Variants in IKBIP observed in about 807,000 individuals in gnomAD.
IKBIP encodes the protein inhibitor of nuclear factor kappa-B kinase-interacting protein.
Under a neutral mutation model 31.0 loss-of-function variants are expected in IKBIP, and 28 were observed. The ratio of observed to expected loss-of-function variants is 0.90; its 90% confidence interval spans 0.67 to 1.24. IKBIP has a LOEUF of 1.24. Ranked by LOEUF, IKBIP falls within the 50% of genes most tolerant of loss-of-function variation. IKBIP has a pLI of 0.00. For missense variants in IKBIP, 453 were observed against 441.9 expected, an observed-to-expected ratio of 1.03 and a Z score of -0.23; for synonymous variants, 164 against 160.3, an observed-to-expected ratio of 1.02 and a Z score of -0.17.
chr12:98,644,781 G>C lies in IKBIP; in HGVS notation c.-80C>G. 1 of 1,500,288 alleles carries C rather than the reference G, an allele frequency of 6.7e-7. No individual in the cohort carries two copies. The highest frequency in any genetic ancestry group is 9.0e-7 in the Non-Finnish European group (1 of 1,108,014). 92.9% of individuals were successfully genotyped at this position (1,500,288 alleles called of 1,614,324 possible). On this transcript the variant is annotated 5_prime_UTR_variant, in exon 1 of 3. Coordinates refer to ENST00000299157, the MANE Select transcript of IKBIP (RefSeq NM_153687.4). ...GGACGTGGCCGCCTTGGCGTTCGTGGGAACCCTGGGCGGTGACCGCGCCCC... is the reference window on the plus strand; with the variant it reads ...GGACGTGGCCGCCTTGGCGTTCGTGCGAACCCTGGGCGGTGACCGCGCCCC...
Position 98,626,304 on chromosome 12 carries a change from C to G in IKBIP, c.760G>C (p.Asp254His). 6.2e-7 allele frequency: 1 copy of G among 1,614,108 alleles called. No homozygotes were observed. The change falls in exon 3 of 3, where the codon GAT (aspartate) becomes CAT (histidine). Residue 254 changes from aspartate to histidine, a missense_variant. Transcript: ENST00000299157. Reference sequence around the variant, plus strand: ...TAGTCGGAAAGTTTATTAGTCAGATCTTCATCTCTGGCAAAGAGGGCATGC... The same window carrying G: ...TAGTCGGAAAGTTTATTAGTCAGATGTTCATCTCTGGCAAAGAGGGCATGC... ...EQHALFARDE[D>H]LTNKLSDYEP...
chr12:98,644,605 G>A lies in IKBIP; in HGVS notation c.97C>T (p.Arg33Trp), dbSNP rs761965932. ...RSEGGKTPVA[R>W]SSGGGGWADP... is the part of the protein sequence containing the mutation. ...GCCCAGCCCCCGCCTCCGCTGCTCC[G>A]GGCCACGGGGGTCTTCCCGCCCTCG... The change falls in exon 1 of 3, where the codon CGG becomes TGG. Residue 33 changes from arginine (R) to tryptophan (W), a missense_variant. Transcript: ENST00000299157. 5 of 1,609,770 alleles carry A rather than the reference G, an allele frequency of 3.1e-6. No homozygotes were observed. The South Asian group carries it at 5.5e-5, about 18-fold the overall frequency.
At chr12:98,630,973 C>T (rs1319709961) in intron 2 of IKBIP, among the ~76,000 whole-genome samples, 1 of 151,644 alleles carries the variant, frequency 6.6e-6, no homozygotes. Flanking sequence ...GCTCTTGTTG[C>T]CCAGGCTGGA....
intron 1 of IKBIP, among the ~76,000 whole-genome samples, chr12:98,643,016 G>A (rs1200531420): frequency 2.0e-5 from 3 of 151,766 alleles, no homozygotes; most frequent in Middle Eastern, 3.4e-3. Flanking sequence ...GCAATGGCAC[G>A]ATCCCAGCTC....
exon 3 of IKBIP, chr12:98,613,512 TTTTGA>T: frequency 1.4e-6 from 1 of 700,426 alleles, no homozygotes; most frequent in Non-Finnish European, 2.2e-6. Flanking sequence ...ATATCATTAT[TTTTGA>T]TTTACCAGTC....
chr12:98,620,234 A>G (rs929510357), downstream of IKBIP, among the ~76,000 whole-genome samples: 6 of 151,418 alleles, frequency 4.0e-5, no homozygotes, highest in African/African-American at 4.9e-5. Context: ...ATATTTATTA[A>G]ATTCCTATCA....
At chr12:98,613,580 T>G in exon 3 of IKBIP, 1 of 1,431,314 alleles carries the variant, frequency 7.0e-7, no homozygotes, top group South Asian at 1.4e-5. Context: ...CTCAATAATG[T>G]CAAACTAATT....
intron 2 of IKBIP, among the ~76,000 whole-genome samples, chr12:98,614,707 A>T (rs773917946): frequency 2.6e-5 from 4 of 152,220 alleles, no homozygotes; most frequent in Non-Finnish European, 5.9e-5. Flanking sequence ...CTGGGATTAC[A>T]GGCGTGAGCC....
intron 2 of IKBIP, among the ~76,000 whole-genome samples, chr12:98,632,537 A>ATG (rs2097621832): frequency 5.9e-5 from 6 of 101,638 alleles, no homozygotes; most frequent in South Asian, 3.5e-4. Flanking sequence ...ATATATATAT[A>ATG]TATATATATA....
downstream of IKBIP, among the ~76,000 whole-genome samples, chr12:98,620,775 G>T (rs1296626537): frequency 1.3e-5 from 2 of 152,128 alleles, no homozygotes; most frequent in African/African-American, 4.8e-5. Context: ...ACTTTGGGAG[G>T]CCAAGGACGG....
intron 2 of IKBIP, among the ~76,000 whole-genome samples, chr12:98,628,785 A>G (rs776780692): frequency 1.1e-4 from 16 of 152,210 alleles, no homozygotes; most frequent in Admixed American, 3.9e-4. Context: ...AGATCTACTG[A>G]GTACCCTGTG....
intron 1 of IKBIP, among the ~76,000 whole-genome samples, chr12:98,640,329 G>A (rs1203487961): frequency 6.6e-6 from 1 of 152,116 alleles, no homozygotes; most frequent in Non-Finnish European, 1.5e-5. Flanking sequence ...AGCTACTCGG[G>A]AGGCTGAGGC....
downstream of IKBIP, among the ~76,000 whole-genome samples, chr12:98,620,029 C>T (rs976079682): frequency 1.3e-4 from 19 of 150,954 alleles, no homozygotes; most frequent in Non-Finnish European, 1.9e-4. Flanking sequence ...AGTGATTCTC[C>T]GGCCTCAGCC....
At chr12:98,618,616 ACT>A (rs1408216914) in intron 2 of IKBIP, among the ~76,000 whole-genome samples, 1 of 139,400 alleles carries the variant, frequency 7.2e-6, no homozygotes, top group Non-Finnish European at 1.5e-5. Context: ...ACAGAGCCAG[ACT>A]CTGTCTCAAA....
chr12:98,644,764 C>T lies in IKBIP; in HGVS notation c.-63G>A. On this transcript the variant is annotated 5_prime_UTR_variant, in exon 1 of 3. Coordinates refer to ENST00000299157, the MANE Select transcript of IKBIP (RefSeq NM_153687.4). The stretch of plus-strand genomic sequence containing the variant: ...CTTCACCAGGGGGAGCAGGACGTGG[C>T]CGCCTTGGCGTTCGTGGGAACCCTG... The T allele has an allele frequency of 6.5e-7, 1 of 1,549,406 alleles. No homozygotes were observed. Among genetic ancestry groups the T allele is most frequent in the South Asian group, 1.2e-5 (1 of 84,878 alleles).
At position 98,644,604 on chromosome 12, in the gene IKBIP, C is replaced by T; in HGVS notation, c.98G>A (p.Arg33Gln). Residue 33 changes from arginine (R) to glutamine (Q), a missense_variant, in exon 1 of 3, where the codon CGG becomes CAG. Coordinates refer to ENST00000299157, the MANE Select transcript of IKBIP (RefSeq NM_153687.4). ...TGCCCAGCCCCCGCCTCCGCTGCTC[C>T]GGGCCACGGGGGTCTTCCCGCCCTC... is the stretch of plus-strand genomic sequence containing the variant. ...RSEGGKTPVA[R>Q]SSGGGGWADP... 6.2e-7 allele frequency: 1 copy of T among 1,610,020 alleles called. No individual in the cohort carries two copies.
At chr12:98,621,317 C>T (rs1199685005), downstream of IKBIP, among the ~76,000 whole-genome samples, 1 of 152,136 alleles carries the variant, frequency 6.6e-6, no homozygotes, top group African/African-American at 2.4e-5. Flanking sequence ...AGTGGCAAAA[C>T]CTATTAATAG....
At chr12:98,630,394 A>AAAAAAAAAAAAAAAC (rs2097618975) in intron 2 of IKBIP, among the ~76,000 whole-genome samples, 1 of 134,576 alleles carries the variant, frequency 7.4e-6, no homozygotes, top group African/African-American at 2.6e-5. Flanking sequence ...AAAAAAAAAA[A>AAAAAAAAAAAAAAAC]AAAAAAAAAA....
At chr12:98,613,440 T>C (rs1048911) in exon 3 of IKBIP, 10,475 of 516,446 alleles carry the variant, frequency 0.02, 185 homozygotes, top group Middle Eastern at 0.028. Flanking sequence ...AATCAACCTG[T>C]TTTAAAGTTT....
Sources: gnomAD v4.1 joint callset for allele counts (sites outside exome capture counted in the v4.1 genomes callset) on GRCh38, gnomAD v4.1.1 for gene constraint, MANE v1.5 for transcripts, NCBI Gene and HGNC (gene_info 2026-07-23, HGNC 2026-07-21) for gene names.